The following ARPP21 variants were observed in gnomAD, a reference collection of about 807,000 sequenced individuals.
ARPP21 encodes the protein cAMP-regulated phosphoprotein 21.
A neutral mutation model predicts 113.2 loss-of-function variants in ARPP21; 69 were observed. The ratio of observed to expected loss-of-function variants is 0.61; its 90% CI spans 0.50 to 0.74. The LOEUF (loss-of-function observed/expected upper bound fraction) is 0.74, where lower values mean the gene tolerates loss of function less well. ARPP21 is among the 30% of genes least tolerant of loss of function. ARPP21 has a pLI of 0.00. For synonymous variants in ARPP21, 368 were observed against 375.5 expected, an observed-to-expected ratio of 0.98 and a Z score of 0.23; for missense variants, 1,070 against 1,037.4, an observed-to-expected ratio of 1.03 and a Z score of -0.43.
At chr3:35,651,696 T>A (rs1702458555) in intron 1 of ARPP21, 1 of 152,082 alleles carries the variant, frequency 6.6e-6, no homozygotes, top group Non-Finnish European at 1.5e-5. Flanking sequence ...GAATTAAATA[T>A]AAACTTCTTA....
At chr3:35,706,885 A>G (rs2089306631) in intron 9 of ARPP21, 89 bp from the exon 10 acceptor site, 3 of 949,372 alleles carry the variant, frequency 3.2e-6, no homozygotes, top group Non-Finnish European at 3.2e-6. Flanking sequence ...TTTAAGTTAA[A>G]TGACACTGTG....
At chr3:35,779,844 ACTC>A (rs1426527890) in intron 19 of ARPP21, among the ~76,000 whole-genome samples, 1 of 151,438 alleles carries the variant, frequency 6.6e-6, no homozygotes, top group African/African-American at 2.4e-5. Flanking sequence ...CCCTTTTCTC[ACTC>A]CTCCTTTTAG....
chr3:35,682,661 T>C (rs367673425), intron 3 of ARPP21, among the ~76,000 whole-genome samples, 187 bp from the exon 4 acceptor site: 3 of 151,886 alleles, frequency 2.0e-5, no homozygotes, highest in African/African-American at 7.2e-5. Flanking sequence ...AAAAGTTTTT[T>C]AAAGCTAGGG....
intron 4 of ARPP21, 114 bp from the exon 5 acceptor site, chr3:35,683,612 A>G: frequency 3.0e-6 from 2 of 669,418 alleles, no homozygotes; most frequent in Non-Finnish European, 5.5e-6. Flanking sequence ...GTTTGGTTTT[A>G]AAAATCTCAT....
At chr3:35,707,241 C>A (rs1318376506) in intron 10 of ARPP21, among the ~76,000 whole-genome samples, 159 bp downstream of exon 10, 6 of 152,136 alleles carry the variant, frequency 3.9e-5, no homozygotes, top group Admixed American at 1.3e-4. Flanking sequence ...CTTCCCTCCC[C>A]CTTTGGCATT....
At chr3:35,754,533 T>C (rs1024998067) in intron 19 of ARPP21, among the ~76,000 whole-genome samples, 2 of 152,008 alleles carry the variant, frequency 1.3e-5, no homozygotes, top group Admixed American at 1.3e-4. Context: ...AATGTTCATG[T>C]GTTTCTTTCA....
chr3:35,744,053 G>C, intron 19 of ARPP21, 88 bp downstream of exon 19: 1 of 1,427,446 alleles, frequency 7.0e-7, no homozygotes, highest in Non-Finnish European at 9.8e-7. Flanking sequence ...TCCAAGCTTG[G>C]CAATTTAAAC....
chr3:35,680,741 T>C (rs951856928), intron 2 of ARPP21: 5 of 151,914 alleles, frequency 3.3e-5, no homozygotes, highest in African/African-American at 1.2e-4. Context: ...TTCTTTTTAC[T>C]TTCTTCTTCT....
At chr3:35,769,674 T>C (rs1396425655) in intron 19 of ARPP21, among the ~76,000 whole-genome samples, 4 of 152,180 alleles carry the variant, frequency 2.6e-5, no homozygotes, top group South Asian at 2.1e-4. Context: ...GTTTTGATCT[T>C]GGTTATCTTA....
chr3:35,792,843 G>A (rs1283945582), intron 20 of ARPP21, among the ~76,000 whole-genome samples: 4 of 152,050 alleles, frequency 2.6e-5, no homozygotes, highest in Non-Finnish European at 2.9e-5. Context: ...TTTGCTTATT[G>A]GTAGAAAGTC....
intron 19 of ARPP21, among the ~76,000 whole-genome samples, chr3:35,774,072 T>C (rs923284127): frequency 8.5e-5 from 13 of 152,168 alleles, no homozygotes; most frequent in African/African-American, 3.1e-4. Context: ...GTAGCTATGG[T>C]AAGATAGAGA....
chr3:35,745,210 A>T (rs1460659966), intron 19 of ARPP21, among the ~76,000 whole-genome samples: 1 of 152,214 alleles, frequency 6.6e-6, no homozygotes, highest in African/African-American at 2.4e-5. Flanking sequence ...TTAAAAAATC[A>T]CTTGGCAATA....
At chr3:35,745,626 A>G (rs1003646305) in intron 19 of ARPP21, among the ~76,000 whole-genome samples, 2 of 152,194 alleles carry the variant, frequency 1.3e-5, no homozygotes, top group Admixed American at 1.3e-4. Context: ...TTAGATGAAT[A>G]TGATAACTGG....
At chr3:35,686,200 C>T (rs1411541957) in intron 5 of ARPP21, among the ~76,000 whole-genome samples, 1 of 151,684 alleles carries the variant, frequency 6.6e-6, no homozygotes, top group Non-Finnish European at 1.5e-5. Context: ...TCAGCCACGT[C>T]TTCTGGACCA....
At chr3:35,664,511 G>A (rs912987469) in intron 1 of ARPP21, among the ~76,000 whole-genome samples, 5 of 152,092 alleles carry the variant, frequency 3.3e-5, no homozygotes, top group African/African-American at 1.2e-4. Flanking sequence ...GCAACTTCAA[G>A]TCCCCAGGTG....
intron 1 of ARPP21, among the ~76,000 whole-genome samples, chr3:35,664,718 T>G (rs1037062185): frequency 1.3e-5 from 2 of 151,984 alleles, no homozygotes; most frequent in African/African-American, 2.4e-5. Context: ...CTCTTTGAGG[T>G]GGGGGCTCAG....
At chr3:35,695,085 G>T (rs1333334356) in intron 9 of ARPP21, among the ~76,000 whole-genome samples, 3 of 151,218 alleles carry the variant, frequency 2.0e-5, no homozygotes, top group Admixed American at 6.6e-5. Context: ...GTAAGAGGGG[G>T]TGAACCTCTT....
intron 19 of ARPP21, among the ~76,000 whole-genome samples, chr3:35,761,265 A>T (rs1168855281): frequency 6.6e-6 from 1 of 152,100 alleles, no homozygotes; most frequent in African/African-American, 2.4e-5. Flanking sequence ...ATATTTAGAG[A>T]TGCATTTGGA....
intron 15 of ARPP21, among the ~76,000 whole-genome samples, chr3:35,736,412 C>T (rs946150598): frequency 2.0e-5 from 3 of 152,092 alleles, no homozygotes; most frequent in Non-Finnish European, 4.4e-5. Context: ...ACCTTTCTTC[C>T]TCACAGGAAT....
Sources: allele counts gnomAD v4.1 joint callset (sites outside exome capture counted in the v4.1 genomes callset), GRCh38; gene constraint gnomAD v4.1.1; transcripts MANE v1.5; gene names NCBI Gene and HGNC (gene_info 2026-07-23, HGNC 2026-07-21).